Variants in PDXDC1 observed in about 807,000 individuals in gnomAD.
PDXDC1 encodes pyridoxal dependent decarboxylase domain containing 1, also known as pyridoxal-dependent decarboxylase domain-containing protein 1.
In PDXDC1, 42 loss-of-function variants were observed where a neutral mutation model predicts 100.1. The ratio of observed to expected loss-of-function variants is 0.42; its 90% confidence interval spans 0.33 to 0.54. The LOEUF is 0.54. PDXDC1 is among the 20% of genes least tolerant of loss of function. The pLI, the probability that PDXDC1 is intolerant of heterozygous loss-of-function variation, is 0.10. For synonymous variants in PDXDC1, 260 were observed against 371.7 expected (o/e 0.70, Z 3.46); for missense variants, 636 against 979.2 (o/e 0.65, Z 4.68).
At chr16:15,126,739 C>T (rs1428309023) in intron 16 of PDXDC1, 1 of 136,882 alleles carries the variant, frequency 7.3e-6, no homozygotes. Context: ...TCACTGCAAG[C>T]TCCGCCTCCT....
chr16:15,028,608 C>T (rs2042809275), intron 14 of PDXDC1, among the ~76,000 whole-genome samples: 5 of 152,308 alleles, frequency 3.3e-5, no homozygotes, highest in Admixed American at 3.3e-4. Context: ...TAACTTAAAA[C>T]AATTGCTGTT....
At position 15,130,157 on chromosome 16, in the gene PDXDC1, C is replaced by T. The variant is rs557573938; in HGVS notation, c.1400-8722C>T. ...AGGATAGAGCCGAGCCCACCCAGGC[C>T]CTCCTCGACTCTGCAGAGGCTCCCA... is the stretch of plus-strand genomic sequence containing the variant. On this transcript the variant is annotated intron_variant, in intron 16 of 16. Transcript: ENST00000535621. 19 of 1,422,588 alleles carry T rather than the reference C, an allele frequency of 1.3e-5. No homozygotes were observed. The South Asian group carries it at 1.6e-4, about 12-fold the overall frequency. 88.1% of individuals were successfully genotyped at this position (1,422,588 alleles called of 1,614,324 possible). A position where few individuals can be genotyped will look rare whatever the true frequency, so the allele number is the denominator to read the frequency against.
intron 14 of PDXDC1, among the ~76,000 whole-genome samples, chr16:15,027,389 ATG>A (rs2042694711): frequency 6.6e-6 from 1 of 152,258 alleles, no homozygotes; most frequent in African/African-American, 2.4e-5. Context: ...TCCAGCGGGC[ATG>A]TGTTACAGTG....
chr16:15,088,708 A>C (rs1240876429), intron 16 of PDXDC1, among the ~76,000 whole-genome samples: 1 of 152,122 alleles, frequency 6.6e-6, no homozygotes, highest in Non-Finnish European at 1.5e-5. Context: ...TTACAGAAGG[A>C]AAAGTATGTT....
chr16:15,015,921 A>T (rs1291786643), intron 8 of PDXDC1: 2 of 1,207,410 alleles, frequency 1.7e-6, no homozygotes, highest in African/African-American at 3.1e-5. Flanking sequence ...AATTAGATAC[A>T]TGTAATAGAG....
chr16:15,083,563 G>A lies in PDXDC1; in HGVS notation c.1399+53507G>A, dbSNP rs767110061. The stretch of plus-strand genomic sequence containing the variant: ...AATGGAAATTTTTCCACCAGTATTG[G>A]CATGAGAAACCACGGTGTCCTATTT... On this transcript the variant is annotated intron_variant, in intron 16 of 16. Coordinates refer to the PDXDC1 transcript ENST00000535621. 1.9e-6 allele frequency: 3 copies of A among 1,608,926 alleles called. No homozygotes were observed. The East Asian group carries it at 6.7e-5, about 36-fold the overall frequency.
intron 16 of PDXDC1, chr16:15,133,606 C>A (rs1315435597): frequency 8.3e-7 from 1 of 1,202,070 alleles, no homozygotes; most frequent in African/African-American, 1.5e-5. Flanking sequence ...AGAGGCTGCC[C>A]TTGTAGACAC....
chr16:15,083,033 C>A (rs1026107803), intron 16 of PDXDC1, among the ~76,000 whole-genome samples: 4 of 152,190 alleles, frequency 2.6e-5, no homozygotes, highest in Non-Finnish European at 5.9e-5. Context: ...CCCCAATAGC[C>A]GCTTTATAAG....
At chr16:15,040,330 TC>T, downstream of PDXDC1, 1 of 394,320 alleles carries the variant, frequency 2.5e-6, no homozygotes, top group Non-Finnish European at 4.5e-6. Flanking sequence ...AGGCAGCCAT[TC>T]CTTCAGTCGG....
chr16:15,046,368 C>G (rs1415172464), intron 16 of PDXDC1, among the ~76,000 whole-genome samples: 1 of 152,184 alleles, frequency 6.6e-6, no homozygotes, highest in Non-Finnish European at 1.5e-5. Flanking sequence ...TGCCAGGTCT[C>G]CACAAAGAGC....
intron 16 of PDXDC1, among the ~76,000 whole-genome samples, chr16:15,099,243 T>A (rs1333731563): frequency 6.6e-6 from 1 of 151,584 alleles, no homozygotes; most frequent in African/African-American, 2.4e-5. Flanking sequence ...GCCAACATGG[T>A]GAAACCCCAT....
rs535338102 is a variant in PDXDC1, at chr16:15,095,354, G to A, written c.1400-43525G>A. 1.4e-3 allele frequency among the ~76,000 whole-genome samples: 212 copies of A among 152,092 alleles called. 1 individual carries two copies. Among genetic ancestry groups the A allele is most frequent in the Non-Finnish European group, 2.4e-3 (166 of 67,990 alleles). ...TCAAAAATACAAAAATATCCAGCCT[G>A]GGTGACACGGTGAAACTCCATCTCT... On this transcript the variant is annotated intron_variant, in intron 16 of 16. Coordinates refer to the PDXDC1 transcript ENST00000535621.
At chr16:15,070,554 A>C (rs2045179495) in intron 16 of PDXDC1, among the ~76,000 whole-genome samples, 1 of 152,162 alleles carries the variant, frequency 6.6e-6, no homozygotes, top group Non-Finnish European at 1.5e-5. Context: ...ACCCCTCTTA[A>C]GGTGATTGGC....
chr16:15,029,803 A>G (rs2042920833), intron 15 of PDXDC1, 148 bp from the exon 16 acceptor site: 1 of 642,292 alleles, frequency 1.6e-6, no homozygotes, highest in Non-Finnish European at 2.7e-6. Flanking sequence ...CTGTTTTTAA[A>G]AAGCTGCTCT....
chr16:15,125,989 G>C (rs1351776908), intron 16 of PDXDC1: 1 of 599,642 alleles, frequency 1.7e-6, no homozygotes, highest in Non-Finnish European at 3.0e-6. Flanking sequence ...GTGTGCCACT[G>C]AACACTTGAC....
intron 1 of PDXDC1, among the ~76,000 whole-genome samples, chr16:14,983,039 A>C: frequency 6.6e-6 from 1 of 152,262 alleles, no homozygotes. Flanking sequence ...ATATGGTATA[A>C]ACTAGCATCT....
intron 16 of PDXDC1, among the ~76,000 whole-genome samples, chr16:15,109,871 AGGCTGGGTGT>A (rs2046968470): frequency 7.4e-6 from 1 of 134,974 alleles, no homozygotes; most frequent in Non-Finnish European, 1.6e-5. Flanking sequence ...AAAAAAAAAA[AGGCTGGGTGT>A]GGTGGCTCAC....
In PDXDC1 at chr16:15,055,900, C is replaced by T. The variant is rs1462834306; in HGVS notation, c.1399+25844C>T. On this transcript the variant is annotated intron_variant, in intron 16 of 16. Transcript: ENST00000535621. The stretch of plus-strand genomic sequence containing the variant: ...GCCGCGCCCCACTCACCTCCAAAGG[C>T]GGGTGGGCTCGGACGAGGTCCCCGG... 2.4e-6 allele frequency: 3 copies of T among 1,229,630 alleles called. No homozygotes were observed. In the Admixed American group the frequency reaches 1.3e-4, roughly 52 times the overall value. 76.2% of individuals were successfully genotyped at this position (1,229,630 alleles called of 1,614,324 possible). A position where few individuals can be genotyped will look rare whatever the true frequency, so the allele number is the denominator to read the frequency against.
intron 16 of PDXDC1, chr16:15,133,520 T>A: frequency 1.1e-6 from 1 of 919,766 alleles, no homozygotes; most frequent in East Asian, 2.7e-5. Context: ...GGCTCCCAGC[T>A]GGTCCTGCAC....
Sources: allele counts gnomAD v4.1 joint callset (sites outside exome capture counted in the v4.1 genomes callset), GRCh38; gene constraint gnomAD v4.1.1; transcripts MANE v1.5; gene names NCBI Gene and HGNC (gene_info 2026-07-23, HGNC 2026-07-21).